Variants in MCUB observed in about 807,000 individuals in gnomAD.
MCUB encodes calcium uniporter regulatory subunit MCUb, mitochondrial.
MCUB carries 46 observed loss-of-function variants against 41.4 expected under a neutral mutation model. The ratio of observed to expected loss-of-function variants is 1.11; its 90% CI spans 0.88 to 1.42. MCUB has a LOEUF of 1.42. MCUB is among the 40% of genes most tolerant of loss of function. The pLI is 0.00. For synonymous variants in MCUB, 148 were observed against 148.2 expected (o/e 1.00, Z 0.01); for missense variants, 403 against 404.9 (o/e 1.00, Z 0.04).
At chr4:109,669,680 C>A (rs1172414165) in intron 4 of MCUB, among the ~76,000 whole-genome samples, 1 of 149,154 alleles carries the variant, frequency 6.7e-6, no homozygotes, top group Admixed American at 6.7e-5. Flanking sequence ...TCCTAAAGTT[C>A]TTAGATGTTC....
At chr4:109,637,823 A>T (rs961128408) in intron 1 of MCUB, among the ~76,000 whole-genome samples, 6 of 152,218 alleles carry the variant, frequency 3.9e-5, no homozygotes, top group Non-Finnish European at 8.8e-5. Context: ...ATGCACCAAA[A>T]TTTCAGAAAT....
intron 1 of MCUB, among the ~76,000 whole-genome samples, chr4:109,594,319 G>T (rs2126129170): frequency 6.6e-6 from 1 of 152,304 alleles, no homozygotes; most frequent in South Asian, 2.1e-4. Context: ...GGTCCAGTTT[G>T]CATATGTTAT....
intron 1 of MCUB, among the ~76,000 whole-genome samples, chr4:109,625,422 T>G (rs1014994330): frequency 5.3e-5 from 8 of 152,236 alleles, no homozygotes; most frequent in African/African-American, 1.9e-4. Context: ...GTTTTTCACT[T>G]TCAGTACAGT....
At chr4:109,572,309 C>T (rs1038108289) in intron 1 of MCUB, among the ~76,000 whole-genome samples, 1 of 152,212 alleles carries the variant, frequency 6.6e-6, no homozygotes, top group African/African-American at 2.4e-5. Flanking sequence ...TATGCAATAA[C>T]ATCTGATAAG....
intron 2 of MCUB, among the ~76,000 whole-genome samples, chr4:109,659,950 G>T (rs1049553271): frequency 6.6e-6 from 1 of 152,184 alleles, no homozygotes; most frequent in Non-Finnish European, 1.5e-5. Context: ...GAGCCACCAT[G>T]CCGGCCACCT....
At chr4:109,662,285 GA>G (rs895283476) in intron 3 of MCUB, among the ~76,000 whole-genome samples, 101 of 152,310 alleles carry the variant, frequency 6.6e-4, no homozygotes, top group African/African-American at 2.3e-3. Context: ...AGGAACACTG[GA>G]ATGTCCATGG....
At chr4:109,667,767 T>C (rs1360328364) in intron 4 of MCUB, among the ~76,000 whole-genome samples, 4 of 151,562 alleles carry the variant, frequency 2.6e-5, no homozygotes, top group Admixed American at 2.6e-4. Flanking sequence ...ATGTTTATTC[T>C]TTCCTGTTAT....
At chr4:109,602,586 C>T (rs2126131480) in intron 1 of MCUB, among the ~76,000 whole-genome samples, 1 of 152,274 alleles carries the variant, frequency 6.6e-6, no homozygotes, top group Non-Finnish European at 1.5e-5. Context: ...TATGCCAGTA[C>T]TAGGCTGTTT....
At chr4:109,609,814 A>T (rs763587226) in intron 1 of MCUB, among the ~76,000 whole-genome samples, 2 of 152,062 alleles carry the variant, frequency 1.3e-5, no homozygotes, top group Admixed American at 1.3e-4. Context: ...GAACTCTACA[A>T]TCAGCAGGTG....
chr4:109,603,560 G>A (rs1007161366), intron 1 of MCUB, among the ~76,000 whole-genome samples: 7 of 150,232 alleles, frequency 4.7e-5, no homozygotes, highest in Non-Finnish European at 8.9e-5. Context: ...GCTGCCCATC[G>A]TCTGGGAGGT....
chr4:109,563,276 A>T (rs541867051), intron 1 of MCUB, among the ~76,000 whole-genome samples: 1 of 152,212 alleles, frequency 6.6e-6, no homozygotes, highest in South Asian at 2.1e-4. Flanking sequence ...TGTTTAAAAA[A>T]TTTTTACATC....
At chr4:109,653,822 G>A (rs1729017664) in intron 1 of MCUB, among the ~76,000 whole-genome samples, 1 of 152,214 alleles carries the variant, frequency 6.6e-6, no homozygotes, top group South Asian at 2.1e-4. Context: ...TGATCCACCT[G>A]CCTTGGCCTT....
intron 1 of MCUB, among the ~76,000 whole-genome samples, chr4:109,568,233 G>A (rs1726827805): frequency 6.6e-6 from 1 of 152,142 alleles, no homozygotes; most frequent in African/African-American, 2.4e-5. Flanking sequence ...TAATAAACCG[G>A]TTTTCACTTT....
intron 1 of MCUB, among the ~76,000 whole-genome samples, chr4:109,625,290 G>A (rs1728337976): frequency 6.6e-6 from 1 of 152,146 alleles, no homozygotes; most frequent in Non-Finnish European, 1.5e-5. Flanking sequence ...TAATGACCCT[G>A]TTGCAGTAGC....
At chr4:109,602,666 T>C (rs1313434487) in intron 1 of MCUB, among the ~76,000 whole-genome samples, 1 of 152,214 alleles carries the variant, frequency 6.6e-6, no homozygotes, top group Non-Finnish European at 1.5e-5. Flanking sequence ...TTCTTTTTGC[T>C]TAGGATAGTT....
intron 6 of MCUB, 193 bp from the exon 7 acceptor site, chr4:109,685,058 A>C: frequency 2.3e-6 from 1 of 425,976 alleles, no homozygotes; most frequent in East Asian, 3.5e-5. Flanking sequence ...CCTGTTTTTG[A>C]AAGGAGCAGC....
intron 1 of MCUB, among the ~76,000 whole-genome samples, chr4:109,572,317 A>T (rs1337800924): frequency 6.6e-6 from 1 of 152,258 alleles, no homozygotes; most frequent in Non-Finnish European, 1.5e-5. Flanking sequence ...AACATCTGAT[A>T]AGGAAGAAAA....
intron 1 of MCUB, among the ~76,000 whole-genome samples, chr4:109,646,495 C>T (rs964074736): frequency 2.0e-5 from 3 of 152,194 alleles, no homozygotes; most frequent in Non-Finnish European, 4.4e-5. Context: ...CTGGTTTCCA[C>T]CCTTGCCCTC....
Position 109,568,189 on chromosome 4 carries a change from G to T in MCUB, c.99+7753G>T, listed in dbSNP as rs187487583. Among the ~76,000 whole-genome samples the T allele has an allele frequency of 3.3e-5, 5 of 152,210 alleles. No individual in the cohort carries two copies. The East Asian group carries it at 9.6e-4, about 29-fold the overall frequency. On this transcript the variant is annotated intron_variant, in intron 1 of 7. Transcript: ENST00000394650. ...AGTCTAATACTCATTTCTGTAACTC[G>T]GCTTCGGGAATGTTTTAGAAGATAG...
Sources: allele counts gnomAD v4.1 joint callset (sites outside exome capture counted in the v4.1 genomes callset), GRCh38; gene constraint gnomAD v4.1.1; transcripts MANE v1.5; gene names NCBI Gene and HGNC (gene_info 2026-07-23, HGNC 2026-07-21).